HPSE2: variants seen among roughly 807,000 people sequenced by gnomAD.
The protein encoded by HPSE2 is inactive heparanase-2.
Under a neutral mutation model 60.5 loss-of-function variants are expected in HPSE2, and 38 were observed. That is an observed-to-expected ratio of 0.63 (90% CI 0.48 to 0.82). The LOEUF is 0.82. HPSE2 is among the 40% of genes least tolerant of loss of function. The pLI is 0.00. For synonymous variants in HPSE2, 295 were observed against 293.2 expected (o/e 1.01, Z -0.06); for missense variants, 713 against 740.4 (o/e 0.96, Z 0.43).
intron 3 of HPSE2, among the ~76,000 whole-genome samples, chr10:98,996,927 T>C (rs1287001025): frequency 6.6e-6 from 1 of 152,172 alleles, no homozygotes; most frequent in Non-Finnish European, 1.5e-5. Context: ...GAAAACGTAC[T>C]GGGTGCTGAT....
intron 7 of HPSE2, among the ~76,000 whole-genome samples, chr10:98,636,070 A>G (rs375251743): frequency 1.1e-4 from 17 of 152,336 alleles, no homozygotes; most frequent in African/African-American, 3.6e-4. Context: ...AACAAATCCA[A>G]AATTACAGCC....
At chr10:98,971,582 ATTTC>A (rs1955955247) in intron 3 of HPSE2, among the ~76,000 whole-genome samples, 1 of 152,122 alleles carries the variant, frequency 6.6e-6, no homozygotes, top group African/African-American at 2.4e-5. Context: ...CTGCCCGTTT[ATTTC>A]ACAATGTTAT....
intron 9 of HPSE2, among the ~76,000 whole-genome samples, chr10:98,596,335 T>C (rs1325339925): frequency 8.8e-6 from 1 of 113,858 alleles, no homozygotes; most frequent in East Asian, 2.8e-4. Flanking sequence ...TTATTTTTAG[T>C]AGTTTTTTAA....
chr10:99,080,393 C>A (rs193232686), intron 3 of HPSE2, among the ~76,000 whole-genome samples: 1 of 152,076 alleles, frequency 6.6e-6, no homozygotes. Flanking sequence ...GGGGAAATGG[C>A]TTTGGAGTCA....
chr10:98,589,170 AC>A (rs139965280), intron 9 of HPSE2, among the ~76,000 whole-genome samples: 2,189 of 152,326 alleles, frequency 0.014, 50 homozygotes, highest in African/African-American at 0.05. Flanking sequence ...GCACAGCATG[AC>A]ACAGCAGGAT....
intron 11 of HPSE2, among the ~76,000 whole-genome samples, chr10:98,480,830 G>C (rs1941207943): frequency 6.6e-6 from 1 of 151,930 alleles, no homozygotes; most frequent in African/African-American, 2.4e-5. Flanking sequence ...TTCTCAACCA[G>C]CCAGATTTCT....
At chr10:98,986,784 G>C (rs1305954159) in intron 3 of HPSE2, among the ~76,000 whole-genome samples, 2 of 151,574 alleles carry the variant, frequency 1.3e-5, no homozygotes, top group African/African-American at 2.4e-5. Context: ...GAATCAAATA[G>C]ACGCAATAAA....
chr10:99,144,343 G>C lies in HPSE2; in HGVS notation c.505C>G (p.His169Asp), dbSNP rs748418923. 1 of 1,614,098 alleles carries C rather than the reference G, an allele frequency of 6.2e-7. No homozygotes were observed. Among genetic ancestry groups the C allele is most frequent in the South Asian group, 1.1e-5 (1 of 91,084 alleles). Reference sequence around the variant, plus strand: ...TGGAGCTCCAGCATAACATCAGGGTGCTGGGCAATCTTGCAGCCTTTCTGT... The same window carrying C: ...TGGAGCTCCAGCATAACATCAGGGTCCTGGGCAATCTTGCAGCCTTTCTGT... ...DKQKGCKIAQ[H>D]PDVMLELQRE... The change falls in exon 3 of 12, where the codon CAC (histidine) becomes GAC (aspartate). Residue 169 changes from histidine to aspartate, a missense_variant. Transcript: ENST00000370552.
the HPSE2 span, among the ~76,000 whole-genome samples, chr10:99,296,852 C>T: frequency 6.6e-6 from 1 of 152,142 alleles, no homozygotes; most frequent in African/African-American, 2.4e-5. Flanking sequence ...GATCTGCCTG[C>T]TGGCAATCCA....
At position 98,457,366 on chromosome 10, in the gene HPSE2, G is replaced by T. The variant is rs2136407207; in HGVS notation, c.*2208C>A. On this transcript the variant is annotated 3_prime_UTR_variant, in exon 12 of 12. Coordinates refer to ENST00000370552, the MANE Select transcript of HPSE2 (RefSeq NM_021828.5). Reference sequence around the variant, plus strand: ...CAGGCTCTGGATTATTTCGCGCTCGGCAACCCATTTCCCCGGGTGCCCCTG... The same window carrying T: ...CAGGCTCTGGATTATTTCGCGCTCGTCAACCCATTTCCCCGGGTGCCCCTG... 1 of 152,344 alleles carries T rather than the reference G, an allele frequency of 6.6e-6. No individual in the cohort carries two copies. Among genetic ancestry groups the T allele is most frequent in the Middle Eastern group, 3.4e-3 (1 of 294 alleles). The allele number at this position is 152,344 out of a possible 1,614,324, so 9.4% of individuals were successfully genotyped here.
chr10:98,870,311 C>T (rs1295396400), intron 3 of HPSE2, among the ~76,000 whole-genome samples: 1 of 152,170 alleles, frequency 6.6e-6, no homozygotes, highest in Non-Finnish European at 1.5e-5. Flanking sequence ...GGGTGTATGG[C>T]TACAGAGATC....
At chr10:99,266,848 C>T in the HPSE2 span, among the ~76,000 whole-genome samples, 17 of 152,126 alleles carry the variant, frequency 1.1e-4, no homozygotes, top group East Asian at 1.9e-4. Flanking sequence ...CTCCCCAGTA[C>T]CAGCCTGAAG....
chr10:98,490,333 C>A, intron 9 of HPSE2, 137 bp from the exon 10 acceptor site: 1 of 1,082,734 alleles, frequency 9.2e-7, no homozygotes, highest in Non-Finnish European at 1.4e-6. Flanking sequence ...TGAGTCATGA[C>A]CAATGCAGCC....
At chr10:98,866,950 A>G (rs909246759) in intron 3 of HPSE2, among the ~76,000 whole-genome samples, 3 of 152,230 alleles carry the variant, frequency 2.0e-5, no homozygotes, top group Admixed American at 6.5e-5. Flanking sequence ...AATATAGAGT[A>G]CTGGAAATGG....
At chr10:98,877,035 A>T (rs1335863935) in intron 3 of HPSE2, among the ~76,000 whole-genome samples, 1 of 151,130 alleles carries the variant, frequency 6.6e-6, no homozygotes, top group Non-Finnish European at 1.5e-5. Flanking sequence ...AATATTTTGT[A>T]AAAAAAAATC....
intron 9 of HPSE2, among the ~76,000 whole-genome samples, chr10:98,505,415 T>A (rs1176734624): frequency 6.6e-6 from 1 of 152,210 alleles, no homozygotes; most frequent in East Asian, 1.9e-4. Flanking sequence ...TGCTGTGTCA[T>A]ATACAGGTAT....
intron 3 of HPSE2, among the ~76,000 whole-genome samples, chr10:98,827,874 T>C (rs1244741562): frequency 2.0e-5 from 3 of 152,236 alleles, no homozygotes; most frequent in African/African-American, 7.2e-5. Flanking sequence ...GTGAAGGTTT[T>C]ATTTTATTTA....
chr10:99,311,907 T>A, the HPSE2 span, among the ~76,000 whole-genome samples: 1 of 152,166 alleles, frequency 6.6e-6, no homozygotes, highest in Non-Finnish European at 1.5e-5. Context: ...ACACAAATGA[T>A]AAGAAACTGA....
chr10:98,971,132 T>C (rs1217122388), intron 3 of HPSE2, among the ~76,000 whole-genome samples: 1 of 152,202 alleles, frequency 6.6e-6, no homozygotes, highest in African/African-American at 2.4e-5. Flanking sequence ...CATCCATCCA[T>C]TCATTTATTC....
Sources: gnomAD v4.1 joint callset for allele counts (sites outside exome capture counted in the v4.1 genomes callset) on GRCh38, gnomAD v4.1.1 for gene constraint, MANE v1.5 for transcripts, NCBI Gene and HGNC (gene_info 2026-07-23, HGNC 2026-07-21) for gene names.